The following MKX variants were observed in gnomAD, a reference collection of about 807,000 sequenced individuals.
The protein encoded by MKX is mohawk homeobox.
A neutral mutation model predicts 36.0 loss-of-function variants in MKX; 13 were observed. That is an observed-to-expected ratio of 0.36 (90% CI 0.24 to 0.57). The LOEUF is 0.57. Ranked by LOEUF, MKX falls within the 20% of genes least tolerant of loss-of-function variation. The pLI, the probability that MKX is intolerant of heterozygous loss-of-function variation, is 0.79. For missense variants in MKX, 458 were observed against 456.4 expected (o/e 1.00, Z -0.03); for synonymous variants, 176 against 178.3 (o/e 0.99, Z 0.10).
chr10:27,742,513 C>T lies in MKX; in HGVS notation c.188+715G>A, dbSNP rs972727769. Reference sequence around the variant, plus strand: ...TTCAGGTGGAGGCGGCTAGGACGGCCGCCCCTCCCCGGCGGGGCGCCCGGG... The same window carrying T: ...TTCAGGTGGAGGCGGCTAGGACGGCTGCCCCTCCCCGGCGGGGCGCCCGGG... On this transcript the variant is annotated intron_variant, in intron 2 of 6. Coordinates refer to ENST00000419761, the MANE Select transcript of MKX (RefSeq NM_173576.3). This position sits in a 1 kb window ranked among gnomAD's most constrained non-coding sequence, Gnocchi z 4.2. Among the ~76,000 whole-genome samples, 1 of 152,076 alleles carries T rather than the reference C, an allele frequency of 6.6e-6. No individual in the cohort carries two copies. The highest frequency in any genetic ancestry group is 2.4e-5 in the African/African-American group (1 of 41,420).
intron 5 of MKX, among the ~76,000 whole-genome samples, chr10:27,734,026 A>G (rs1834692322): frequency 6.6e-6 from 1 of 152,152 alleles, no homozygotes; most frequent in Admixed American, 6.5e-5. Context: ...AATACAAAGT[A>G]TTTGCAGGAC....
At chr10:27,707,548 C>T (rs1411308386) in intron 5 of MKX, among the ~76,000 whole-genome samples, 4 of 151,976 alleles carry the variant, frequency 2.6e-5, no homozygotes, top group African/African-American at 9.7e-5. Flanking sequence ...CATGAGGACG[C>T]GGGAACCCAG....
At chr10:27,690,295 C>CA (rs1554769886) in intron 5 of MKX, among the ~76,000 whole-genome samples, 12 of 151,754 alleles carry the variant, frequency 7.9e-5, no homozygotes, top group Non-Finnish European at 1.5e-4. Flanking sequence ...CATTTGAGCC[C>CA]GGAGGCGGAG....
rs556173444 is a variant in MKX, at chr10:27,710,650, TTTTTTA to T, written c.838+23800_838+23805del. Among the ~76,000 whole-genome samples the T allele has an allele frequency of 1.2e-3, 189 of 152,314 alleles. 1 individual carries two copies. The highest frequency in any genetic ancestry group is 4.2e-3 in the African/African-American group (174 of 41,574). On this transcript the variant is annotated intron_variant, in intron 5 of 6. Coordinates refer to ENST00000419761, the MANE Select transcript of MKX (RefSeq NM_173576.3). ...ACTCCATATTTCTGCTAGTTTTTAA[TTTTTTA>T]TTTTTATTTATTGATTGATTGAGAT... is the stretch of plus-strand genomic sequence containing the variant.
chr10:27,743,829 G>C (rs1834980575), intron 1 of MKX, among the ~76,000 whole-genome samples: 1 of 152,184 alleles, frequency 6.6e-6, no homozygotes, highest in African/African-American at 2.4e-5. Context: ...TTTGAATCTG[G>C]GAGAGGCATA....
At position 27,688,588 on chromosome 10, in the gene MKX, G is replaced by T. The variant is rs545142873; in HGVS notation, c.839-13034C>A. Among the ~76,000 whole-genome samples, 4 of 152,286 alleles carry T rather than the reference G, an allele frequency of 2.6e-5. No individual in the cohort carries two copies. The East Asian group carries it at 7.7e-4, about 29-fold the overall frequency. ...TTCATCCATGAAACCTAGATTTCCA[G>T]CCAAAGTCTCAGAAAATGACTTCCT... On this transcript the variant is annotated intron_variant, in intron 5 of 6. Coordinates refer to ENST00000419761, the MANE Select transcript of MKX (RefSeq NM_173576.3).
At chr10:27,719,994 A>AAAG (rs1554773026) in intron 5 of MKX, among the ~76,000 whole-genome samples, 5 of 147,140 alleles carry the variant, frequency 3.4e-5, no homozygotes, top group East Asian at 2.1e-4. Context: ...AAAAAAAAAA[A>AAAG]AGAGAGAGAG....
At position 27,741,879 on chromosome 10, in the gene MKX, G is replaced by A. The variant is rs966708368; in HGVS notation, c.189-375C>T. 6.6e-6 allele frequency among the ~76,000 whole-genome samples: 1 copy of A among 152,204 alleles called. No homozygotes were observed. Among genetic ancestry groups the A allele is most frequent in the Non-Finnish European group, 1.5e-5 (1 of 68,046 alleles). On this transcript the variant is annotated intron_variant, in intron 2 of 6. Coordinates refer to ENST00000419761, the MANE Select transcript of MKX (RefSeq NM_173576.3). The surrounding 1 kb of genome is among the most constrained non-coding windows in gnomAD (Gnocchi z 5.1). ...CCGCACCCTCGAGTGGCCCTGGCCT[G>A]GCAGGCCTGGCAGGGTATGCGGCTG... is the stretch of plus-strand genomic sequence containing the variant.
Position 27,741,033 on chromosome 10 carries a change from G to A in MKX, c.348+312C>T, listed in dbSNP as rs1321324565. 6.6e-6 allele frequency among the ~76,000 whole-genome samples: 1 copy of A among 152,174 alleles called. No homozygotes were observed. Among genetic ancestry groups the A allele is most frequent in the East Asian group, 1.9e-4 (1 of 5,188 alleles). On this transcript the variant is annotated intron_variant, in intron 3 of 6. Transcript: ENST00000419761. The surrounding 1 kb of genome is among the most constrained non-coding windows in gnomAD (Gnocchi z 5.1). The stretch of plus-strand genomic sequence containing the variant: ...CCAGACCTGCTGAATCCGAAACTCG[G>A]AGGTGGGGCCTAGCGATTCGTGTTT...
chr10:27,732,202 T>C (rs190283618), intron 5 of MKX, among the ~76,000 whole-genome samples: 1 of 152,320 alleles, frequency 6.6e-6, no homozygotes, highest in African/African-American at 2.4e-5. Flanking sequence ...TTGATACTTT[T>C]TATATGTTCC....
At chr10:27,713,610 C>A (rs555682669) in intron 5 of MKX, among the ~76,000 whole-genome samples, 86 of 152,196 alleles carry the variant, frequency 5.7e-4, no homozygotes, top group Admixed American at 1.0e-3. Flanking sequence ...TGCATGAAAG[C>A]AGGAATAATT....
In MKX at chr10:27,743,353, C is replaced by A; in HGVS notation, c.63G>T (p.Ser21=). Residue 21 remains serine, a synonymous_variant, in exon 2 of 7, where the codon TCG becomes TCT. Transcript: ENST00000419761. ...GAVLFEDGGA[S]ERERGGRPYS... ...AGGGCCGGCCACCCCGCTCCCGCTC[C>A]GAGGCGCCTCCGTCCTCAAACAGCA... The A allele has an allele frequency of 6.3e-7, 1 of 1,581,080 alleles. No homozygotes were observed.
At chr10:27,675,436 A>G in intron 6 of MKX, 21 bp from the exon 7 acceptor site, 1 of 1,614,128 alleles carries the variant, frequency 6.2e-7, no homozygotes, top group Non-Finnish European at 8.5e-7. Flanking sequence ...GCAAAACAGA[A>G]AGTAAACGAT....
Position 27,675,558 on chromosome 10 carries a change from T to C in MKX, c.839-4A>G. ...TTGGATCCGTTTTCCAGAGTGTCTG[T>C]AAAGAAAAGCAAAAATTCAATTATT... On this transcript the variant is annotated splice_region_variant and splice_polypyrimidine_tract_variant and intron_variant, in intron 5 of 6. Coordinates refer to ENST00000419761, the MANE Select transcript of MKX (RefSeq NM_173576.3). 1 of 1,613,002 alleles carries C rather than the reference T, an allele frequency of 6.2e-7. No homozygotes were observed. Among genetic ancestry groups the C allele is most frequent in the Non-Finnish European group, 8.5e-7 (1 of 1,179,578 alleles).
chr10:27,686,384 AAGGGAAGGGAAAGGAAGG>A (rs1381505800), intron 5 of MKX, among the ~76,000 whole-genome samples: 2 of 137,198 alleles, frequency 1.5e-5, no homozygotes. Context: ...AAGGGAAGGG[AAGGGAAGGGAAAGGAAGG>A]AAGGAAGGAA....
At chr10:27,683,259 G>A (rs1439172168) in intron 5 of MKX, among the ~76,000 whole-genome samples, 1 of 152,190 alleles carries the variant, frequency 6.6e-6, no homozygotes, top group Non-Finnish European at 1.5e-5. Context: ...TCTATGTGAA[G>A]GTATGTTTAG....
intron 5 of MKX, among the ~76,000 whole-genome samples, chr10:27,691,095 A>G (rs1026784731): frequency 1.3e-5 from 2 of 152,166 alleles, no homozygotes; most frequent in Non-Finnish European, 2.9e-5. Flanking sequence ...GAGTAAATCA[A>G]ACCTCCTTTG....
At chr10:27,711,461 T>TTC (rs1238641795) in intron 5 of MKX, among the ~76,000 whole-genome samples, 1 of 9,594 alleles carries the variant, frequency 1.0e-4, no homozygotes, top group Non-Finnish European at 2.9e-4. Flanking sequence ...CTTTCTTTCT[T>TTC]TCTTTCTTTC....
At chr10:27,701,750 A>C (rs1208633226) in intron 5 of MKX, among the ~76,000 whole-genome samples, 1 of 145,590 alleles carries the variant, frequency 6.9e-6, no homozygotes, top group African/African-American at 2.5e-5. Context: ...ATAGAGAATT[A>C]TATATTATAT....
Sources: gnomAD v4.1 joint callset for allele counts (sites outside exome capture counted in the v4.1 genomes callset) on GRCh38, gnomAD v4.1.1 for gene constraint, Gnocchi (gnomAD v3.1) non-coding constraint, MANE v1.5 for transcripts, NCBI Gene and HGNC (gene_info 2026-07-23, HGNC 2026-07-21) for gene names.